SLC24A2: variants seen among roughly 807,000 people sequenced by gnomAD.
SLC24A2 encodes sodium/potassium/calcium exchanger 2.
A neutral mutation model predicts 62.0 loss-of-function variants in SLC24A2; 36 were observed. The observed-to-expected ratio is 0.58, with a 90% CI of 0.44 to 0.77. The LOEUF is 0.77. SLC24A2 is among the 30% of genes least tolerant of loss of function. The pLI is 0.00. For missense variants in SLC24A2, 846 were observed against 817.9 expected (o/e 1.03, Z -0.42); for synonymous variants, 358 against 294.0 (o/e 1.22, Z -2.23).
At chr9:20,253,478 G>T in the SLC24A2 span, among the ~76,000 whole-genome samples, 1 of 152,202 alleles carries the variant, frequency 6.6e-6, no homozygotes, top group Non-Finnish European at 1.5e-5. Context: ...TAAAAGGAGA[G>T]AGACCAAATC....
the SLC24A2 span, among the ~76,000 whole-genome samples, chr9:20,190,625 C>T: frequency 2.0e-5 from 3 of 152,180 alleles, no homozygotes; most frequent in African/African-American, 4.8e-5. Flanking sequence ...CAGCATCATA[C>T]AACTAGTAAG....
At chr9:20,135,951 A>T in the SLC24A2 span, among the ~76,000 whole-genome samples, 2 of 152,128 alleles carry the variant, frequency 1.3e-5, no homozygotes, top group Non-Finnish European at 2.9e-5. Flanking sequence ...CCACTCATTT[A>T]TTAGCCACTC....
chr9:20,088,729 A>G, the SLC24A2 span, among the ~76,000 whole-genome samples: 2 of 152,170 alleles, frequency 1.3e-5, no homozygotes, highest in Non-Finnish European at 2.9e-5. Context: ...TTTTTTATGC[A>G]GGTCTCTGAT....
the SLC24A2 span, among the ~76,000 whole-genome samples, chr9:20,300,010 G>A: frequency 3.3e-5 from 5 of 152,150 alleles, no homozygotes; most frequent in Admixed American, 2.0e-4. Flanking sequence ...TTTATTTCTA[G>A]TACTTCCTGA....
At chr9:19,791,760 A>T (rs1480955985), upstream of SLC24A2, among the ~76,000 whole-genome samples, 1 of 152,218 alleles carries the variant, frequency 6.6e-6, no homozygotes, top group Non-Finnish European at 1.5e-5. Flanking sequence ...CTACCATCAA[A>T]TGAGTTATTA....
At chr9:20,117,605 A>G in the SLC24A2 span, among the ~76,000 whole-genome samples, 1 of 152,178 alleles carries the variant, frequency 6.6e-6, no homozygotes, top group South Asian at 2.1e-4. Context: ...CTAACAAAGT[A>G]CTTATTATGT....
At chr9:20,139,747 C>T in the SLC24A2 span, among the ~76,000 whole-genome samples, 1 of 152,190 alleles carries the variant, frequency 6.6e-6, no homozygotes, top group South Asian at 2.1e-4. Flanking sequence ...CTATCTGCCT[C>T]CTGTCTGAAT....
At chr9:20,277,243 A>C in the SLC24A2 span, among the ~76,000 whole-genome samples, 10 of 152,340 alleles carry the variant, frequency 6.6e-5, no homozygotes, top group Admixed American at 2.0e-4. Context: ...AATGGGATCT[A>C]ATTAAATAAA....
In SLC24A2 at chr9:19,513,159, T is replaced by C. The variant is rs1366728116; in HGVS notation, c.*2994A>G. 1.7e-5 allele frequency: 1 copy of C among 60,464 alleles called. No individual in the cohort carries two copies. The highest frequency in any genetic ancestry group is 4.9e-4 in the South Asian group (1 of 2,032). The allele number at this position is 60,464 out of a possible 1,614,324, so 3.7% of individuals were successfully genotyped here. On this transcript the variant is annotated 3_prime_UTR_variant, in exon 11 of 11. Coordinates refer to ENST00000341998, the MANE Select transcript of SLC24A2 (RefSeq NM_020344.4). Reference sequence around the variant, plus strand: ...CATATAGATCTGGTATAAAGATATATATATATATATATATATGTATATATA... The same window carrying C: ...CATATAGATCTGGTATAAAGATATACATATATATATATATATGTATATATA...
chr9:20,264,469 T>C, the SLC24A2 span, among the ~76,000 whole-genome samples: 8 of 152,256 alleles, frequency 5.3e-5, no homozygotes, highest in African/African-American at 1.9e-4. Context: ...AAACATCAAG[T>C]CAAGAACTTC....
the SLC24A2 span, among the ~76,000 whole-genome samples, chr9:19,820,963 C>T: frequency 6.6e-6 from 1 of 152,092 alleles, no homozygotes; most frequent in Non-Finnish European, 1.5e-5. Flanking sequence ...CACTGAATAA[C>T]CAAATTTTTT....
chr9:19,573,289 C>A, intron 7 of SLC24A2, 62 bp downstream of exon 7: 1 of 1,136,216 alleles, frequency 8.8e-7, no homozygotes, highest in East Asian at 2.4e-5. Flanking sequence ...AGGGTCTGTG[C>A]TGCCACGCTA....
At chr9:19,846,926 G>A in the SLC24A2 span, among the ~76,000 whole-genome samples, 1 of 152,074 alleles carries the variant, frequency 6.6e-6, no homozygotes, top group African/African-American at 2.4e-5. Flanking sequence ...GGAGGCTGAG[G>A]TGGGAGGATC....
chr9:20,107,814 G>A, the SLC24A2 span, among the ~76,000 whole-genome samples: 12 of 152,034 alleles, frequency 7.9e-5, no homozygotes, highest in Non-Finnish European at 4.4e-5. Context: ...AACACCAAAA[G>A]CAATGGCAAC....
chr9:19,919,484 GA>G, the SLC24A2 span, among the ~76,000 whole-genome samples: 12 of 151,896 alleles, frequency 7.9e-5, no homozygotes, highest in African/African-American at 2.4e-4. Context: ...TGTGGCAAAA[GA>G]AAAAATATCT....
intron 2 of SLC24A2, among the ~76,000 whole-genome samples, chr9:19,772,160 G>A (rs760025122): frequency 3.3e-5 from 5 of 152,144 alleles, no homozygotes; most frequent in Non-Finnish European, 7.4e-5. Context: ...CAGATGACAG[G>A]CATCCTGGGT....
the SLC24A2 span, among the ~76,000 whole-genome samples, chr9:20,054,062 C>G: frequency 3.3e-5 from 5 of 152,232 alleles, no homozygotes; most frequent in South Asian, 2.1e-4. Flanking sequence ...TGATAGGGGT[C>G]TTTATTTAAT....
chr9:20,000,856 T>G, the SLC24A2 span, among the ~76,000 whole-genome samples: 1 of 152,120 alleles, frequency 6.6e-6, no homozygotes, highest in African/African-American at 2.4e-5. Flanking sequence ...AGGATCACTG[T>G]TGAGACAGAA....
intron 2 of SLC24A2, among the ~76,000 whole-genome samples, chr9:19,711,448 AAC>A (rs1820712888): frequency 3.9e-5 from 6 of 152,372 alleles, no homozygotes; most frequent in Admixed American, 2.6e-4. Flanking sequence ...CAATGCCATA[AAC>A]ATTTAAAGAA....
Sources: allele counts gnomAD v4.1 joint callset (sites outside exome capture counted in the v4.1 genomes callset), GRCh38; gene constraint gnomAD v4.1.1; transcripts MANE v1.5; gene names NCBI Gene and HGNC (gene_info 2026-07-23, HGNC 2026-07-21).